Variants in OVCH1 observed in about 807,000 individuals in gnomAD.
OVCH1 encodes ovochymase 1, also known as ovochymase-1.
Under a neutral mutation model 138.4 loss-of-function variants are expected in OVCH1, and 139 were observed. That is an observed-to-expected ratio of 1.00 (90% CI 0.87 to 1.16). The LOEUF (loss-of-function observed/expected upper bound fraction) is 1.16, where lower values mean the gene tolerates loss of function less well. Among genes scored for constraint, OVCH1 ranks in the 50% most tolerant of loss-of-function variants. OVCH1 has a pLI of 0.00. For synonymous variants in OVCH1, 453 were observed against 467.8 expected (o/e 0.97, Z 0.41); for missense variants, 1,367 against 1,357.9 (o/e 1.01, Z -0.11).
chr12:29,474,941 A>AT (rs1942650405), intron 14 of OVCH1, 120 bp downstream of exon 14: 7 of 1,183,432 alleles, frequency 5.9e-6, no homozygotes. Context: ...AGAAATCTGC[A>AT]TTTTTGTTAT....
At chr12:29,404,532 C>A in the OVCH1 span, among the ~76,000 whole-genome samples, 3 of 152,166 alleles carry the variant, frequency 2.0e-5, no homozygotes, top group Non-Finnish European at 2.9e-5. Context: ...AAAATCTATA[C>A]CTTCAAGGAG....
chr12:29,454,428 T>G (rs1212895296), intron 21 of OVCH1, among the ~76,000 whole-genome samples: 1 of 152,152 alleles, frequency 6.6e-6, no homozygotes, highest in Non-Finnish European at 1.5e-5. Flanking sequence ...ATCAAAATCC[T>G]CTTTTATCAA....
chr12:29,475,243 A>G, intron 13 of OVCH1, 54 bp from the exon 14 acceptor site: 2 of 1,318,272 alleles, frequency 1.5e-6, no homozygotes, highest in Non-Finnish European at 1.0e-6. Flanking sequence ...AAAAATCAGA[A>G]CACACAGTAA....
chr12:29,439,629 C>T (rs1941437024), intron 25 of OVCH1, among the ~76,000 whole-genome samples: 1 of 152,138 alleles, frequency 6.6e-6, no homozygotes, highest in Non-Finnish European at 1.5e-5. Flanking sequence ...TCTTACAATT[C>T]AATTCCATTC....
intron 14 of OVCH1, among the ~76,000 whole-genome samples, chr12:29,473,456 A>G (rs1413937380): frequency 6.6e-6 from 1 of 152,062 alleles, no homozygotes; most frequent in Non-Finnish European, 1.5e-5. Context: ...TTATTCATCT[A>G]CATGTAGATG....
intron 21 of OVCH1, among the ~76,000 whole-genome samples, chr12:29,452,807 A>C (rs1941834731): frequency 6.6e-6 from 1 of 152,190 alleles, no homozygotes; most frequent in South Asian, 2.1e-4. Context: ...TAGTGTAAAA[A>C]GTTAGTAGCG....
chr12:29,495,074 T>C (rs942252971), intron 4 of OVCH1, among the ~76,000 whole-genome samples: 1 of 152,208 alleles, frequency 6.6e-6, no homozygotes, highest in Non-Finnish European at 1.5e-5. Context: ...AAAATGTTGA[T>C]TGTTAGGTTA....
At chr12:29,469,663 T>G (rs1043608874) in intron 16 of OVCH1, among the ~76,000 whole-genome samples, 1 of 151,768 alleles carries the variant, frequency 6.6e-6, no homozygotes, top group African/African-American at 2.4e-5. Context: ...GAGGATTGCT[T>G]GAGTTCAAGA....
exon 17 of OVCH1, chr12:29,465,174 G>A (rs371921679): frequency 6.2e-7 from 1 of 1,604,970 alleles, no homozygotes; most frequent in Non-Finnish European, 8.5e-7. Flanking sequence ...TCAGGTTTCT[G>A]TCATGGTCCC....
chr12:29,484,897 A>T (rs1424097950), intron 8 of OVCH1, among the ~76,000 whole-genome samples, 97 bp from the exon 9 acceptor site: 1 of 152,192 alleles, frequency 6.6e-6, no homozygotes, highest in Non-Finnish European at 1.5e-5. Context: ...GATTTATATT[A>T]GTCATTTCAT....
intron 14 of OVCH1, among the ~76,000 whole-genome samples, chr12:29,473,354 A>T (rs1942582762): frequency 2.0e-5 from 3 of 152,158 alleles, no homozygotes; most frequent in East Asian, 1.9e-4. Flanking sequence ...TTCCTTATAC[A>T]TTGATGGCTG....
At chr12:29,483,916 G>A (rs1943013596) in intron 8 of OVCH1, among the ~76,000 whole-genome samples, 1 of 152,122 alleles carries the variant, frequency 6.6e-6, no homozygotes, top group African/African-American at 2.4e-5. Context: ...CCACACCAAA[G>A]AGAATTAGTC....
At chr12:29,446,452 A>G (rs1941618666) in intron 22 of OVCH1, among the ~76,000 whole-genome samples, 1 of 152,166 alleles carries the variant, frequency 6.6e-6, no homozygotes, top group African/African-American at 2.4e-5. Context: ...TTTATAGTAA[A>G]GAATGCTATA....
At chr12:29,407,778 T>G (rs192450780), downstream of OVCH1, among the ~76,000 whole-genome samples, 2,295 of 151,608 alleles carry the variant, frequency 0.015, 28 homozygotes, top group Non-Finnish European at 0.025. Flanking sequence ...TAGGATTGAC[T>G]TGGCTATGCG....
intron 18 of OVCH1, 126 bp downstream of exon 18, chr12:29,464,381 T>C (rs1223775091): frequency 1.8e-6 from 2 of 1,094,444 alleles, no homozygotes. Context: ...TACAGCTAAA[T>C]AAAACATGGT....
chr12:29,477,242 CATTGGGGAAATTCAAAG>C lies in OVCH1; in HGVS notation c.1247-27_1247-11del. The C allele has an allele frequency of 6.2e-7, 1 of 1,613,336 alleles. No homozygotes were observed. The highest frequency in any genetic ancestry group is 8.5e-7 in the Non-Finnish European group (1 of 1,179,500). On this transcript the variant is annotated splice_polypyrimidine_tract_variant and intron_variant, in intron 11 of 27. Coordinates refer to ENST00000318184, the Ensembl canonical transcript of OVCH1. Reference sequence around the variant, plus strand: ...CTCCCACAACCTGACCCTGTGGAAGCATTGGGGAAATTCAAAGTGAATGGCCAAAGACATTTTCTCCT... The same window carrying C: ...CTCCCACAACCTGACCCTGTGGAAGCTGAATGGCCAAAGACATTTTCTCCT...
chr12:29,448,858 G>A (rs545270285), intron 22 of OVCH1, among the ~76,000 whole-genome samples: 1 of 152,142 alleles, frequency 6.6e-6, no homozygotes, highest in East Asian at 1.9e-4. Flanking sequence ...TCAGAATCAA[G>A]CATAAATATA....
rs549450398 is a variant in OVCH1 at position 29,490,344 on chromosome 12, T to G, written c.551-573A>C. 2.6e-5 allele frequency among the ~76,000 whole-genome samples: 4 copies of G among 152,312 alleles called. No homozygotes were observed. The East Asian group carries it at 7.7e-4, about 29-fold the overall frequency. On this transcript the variant is annotated intron_variant, in intron 5 of 27. Coordinates refer to ENST00000318184, the Ensembl canonical transcript of OVCH1. The stretch of plus-strand genomic sequence containing the variant: ...ATCTTCCTGCCTTGGCCTCCCAAAG[T>G]GCTAAGATTACAGGCGTGAGCCACT...
At chr12:29,466,560 T>C (rs1218767764) in intron 16 of OVCH1, among the ~76,000 whole-genome samples, 1 of 152,150 alleles carries the variant, frequency 6.6e-6, no homozygotes, top group Non-Finnish European at 1.5e-5. Flanking sequence ...ACTCAACTAT[T>C]GCGTTAGAAA....
Sources: allele counts gnomAD v4.1 joint callset (sites outside exome capture counted in the v4.1 genomes callset), GRCh38; gene constraint gnomAD v4.1.1; transcripts MANE v1.5; gene names NCBI Gene and HGNC (gene_info 2026-07-23, HGNC 2026-07-21).